The following SPATA17 variants were observed in gnomAD, a reference collection of about 807,000 sequenced individuals.
SPATA17 encodes the protein spermatogenesis associated 17.
Under a neutral mutation model 62.2 loss-of-function variants are expected in SPATA17, and 53 were observed. The ratio of observed to expected loss-of-function variants is 0.85; its 90% CI spans 0.68 to 1.07. The LOEUF is 1.07. SPATA17 is among the 50% of genes least tolerant of loss of function. The probability of loss-of-function intolerance (pLI) is 0.00; values close to 1 mark genes in which losing one functional copy is unlikely to be tolerated. For missense variants in SPATA17, 466 were observed against 425.5 expected (o/e 1.10, Z -0.84); for synonymous variants, 146 against 146.8 (o/e 0.99, Z 0.04).
intron 5 of SPATA17, among the ~76,000 whole-genome samples, chr1:217,733,426 G>C (rs559493396): frequency 1.2e-4 from 18 of 152,222 alleles, no homozygotes; most frequent in African/African-American, 3.9e-4. Flanking sequence ...TCGTTGTTCA[G>C]TTCCCAACTC....
intron 1 of SPATA17, among the ~76,000 whole-genome samples, chr1:217,640,740 A>G (rs1343510667): frequency 6.6e-6 from 1 of 152,154 alleles, no homozygotes; most frequent in African/African-American, 2.4e-5. Flanking sequence ...AGAGTGAAAC[A>G]TTTTATACAT....
chr1:217,766,385 T>A (rs1318258023), intron 6 of SPATA17, among the ~76,000 whole-genome samples: 2 of 151,976 alleles, frequency 1.3e-5, no homozygotes, highest in Non-Finnish European at 2.9e-5. Context: ...CCCTAAAGTT[T>A]GCAATACACA....
intron 6 of SPATA17, among the ~76,000 whole-genome samples, chr1:217,771,701 G>A (rs960009211): frequency 2.7e-5 from 4 of 148,976 alleles, no homozygotes; most frequent in African/African-American, 7.3e-5. Context: ...ATATATTTTC[G>A]ATCTATATTT....
chr1:217,849,144 T>A (rs2103010474), intron 9 of SPATA17, among the ~76,000 whole-genome samples: 1 of 152,336 alleles, frequency 6.6e-6, no homozygotes, highest in East Asian at 1.9e-4. Context: ...TACTTATCTC[T>A]CCATCTTTTA....
intron 4 of SPATA17, among the ~76,000 whole-genome samples, chr1:217,672,366 T>G (rs949325000): frequency 2.8e-4 from 42 of 152,222 alleles, no homozygotes; most frequent in African/African-American, 1.0e-3. Context: ...AATATCTATA[T>G]GGCCAATAAT....
chr1:217,643,524 G>T (rs1412619344), intron 1 of SPATA17, among the ~76,000 whole-genome samples: 5 of 152,146 alleles, frequency 3.3e-5, no homozygotes, highest in African/African-American at 1.2e-4. Flanking sequence ...CCCCACTTGA[G>T]GATGCTCACC....
intron 9 of SPATA17, among the ~76,000 whole-genome samples, chr1:217,857,549 T>G (rs529090761): frequency 6.6e-6 from 1 of 152,288 alleles, no homozygotes; most frequent in African/African-American, 2.4e-5. Flanking sequence ...AGAAAAGCAG[T>G]TCCCCAACCC....
At chr1:217,728,290 T>C (rs1571762515) in intron 5 of SPATA17, among the ~76,000 whole-genome samples, 2 of 152,292 alleles carry the variant, frequency 1.3e-5, no homozygotes, top group East Asian at 3.9e-4. Context: ...TGAGCACTTA[T>C]GGTATACCAA....
chr1:217,703,162 A>G (rs1671642706), intron 5 of SPATA17, among the ~76,000 whole-genome samples: 1 of 121,856 alleles, frequency 8.2e-6, no homozygotes, highest in Admixed American at 7.7e-5. Flanking sequence ...GGCGTGAGCC[A>G]TTGCGCTCGG....
At chr1:217,862,639 T>C (rs1253019799) in intron 9 of SPATA17, 135 bp from the exon 10 acceptor site, 1 of 636,640 alleles carries the variant, frequency 1.6e-6, no homozygotes, top group African/African-American at 1.8e-5. Flanking sequence ...TAATTTTGTT[T>C]TGAGAGTATA....
At chr1:217,722,300 T>G (rs1384800976) in intron 5 of SPATA17, among the ~76,000 whole-genome samples, 2 of 152,154 alleles carry the variant, frequency 1.3e-5, no homozygotes, top group African/African-American at 4.8e-5. Flanking sequence ...ACTTGCATGT[T>G]GAAGTAGTAA....
intron 9 of SPATA17, among the ~76,000 whole-genome samples, chr1:217,857,626 G>A (rs938279885): frequency 1.1e-4 from 16 of 152,102 alleles, no homozygotes; most frequent in Non-Finnish European, 2.4e-4. Flanking sequence ...TCCCATGATC[G>A]GATGACATGT....
chr1:217,777,936 A>C (rs1673633204), intron 7 of SPATA17, among the ~76,000 whole-genome samples: 2 of 152,226 alleles, frequency 1.3e-5, no homozygotes. Context: ...AAATAGTTTT[A>C]AATGTAAATA....
chr1:217,821,696 T>C (rs1427633526), intron 9 of SPATA17, among the ~76,000 whole-genome samples: 1 of 152,060 alleles, frequency 6.6e-6, no homozygotes, highest in Non-Finnish European at 1.5e-5. Flanking sequence ...TTTTTTAAGA[T>C]AGAAGATGTT....
chr1:217,774,587 T>G, intron 7 of SPATA17, 50 bp downstream of exon 7: 1 of 1,514,022 alleles, frequency 6.6e-7, no homozygotes. Flanking sequence ...TTCTTGCTAT[T>G]TTTTGCACTT....
intron 6 of SPATA17, among the ~76,000 whole-genome samples, chr1:217,766,590 C>T (rs1443140444): frequency 6.6e-6 from 1 of 151,906 alleles, no homozygotes; most frequent in East Asian, 1.9e-4. Flanking sequence ...TTATTTTGAA[C>T]AAACTGTTCT....
intron 6 of SPATA17, among the ~76,000 whole-genome samples, chr1:217,755,360 T>C (rs971817486): frequency 2.0e-5 from 3 of 152,106 alleles, no homozygotes; most frequent in South Asian, 4.1e-4. Context: ...AAATAAAAGA[T>C]GAGAAAATGA....
chr1:217,866,969 C>T (rs888378549), intron 10 of SPATA17, 53 bp from the exon 11 acceptor site: 5 of 151,818 alleles, frequency 3.3e-5, no homozygotes, highest in South Asian at 2.1e-4. Context: ...GATTCTTCCA[C>T]GTCTGATGAG....
Position 217,793,215 on chromosome 1 carries a change from G to GTTTTTTTTTTTTTT in SPATA17, c.873-8498_873-8497insTTTTTTTTTTTTTT, listed in dbSNP as rs376041446. ...GAATTGCTTTAATGTTAGGGCAGTGGTTTTTGTTTTTTTTTTTTTTTTTGA... is the reference window on the plus strand; with the variant it reads ...GAATTGCTTTAATGTTAGGGCAGTGGTTTTTTTTTTTTTTTTTTTGTTTTTTTTTTTTTTTTTGA... On this transcript the variant is annotated intron_variant, in intron 8 of 10. Transcript: ENST00000366933. Among the ~76,000 whole-genome samples the GTTTTTTTTTTTTTT allele has an allele frequency of 2.6e-5, 3 of 114,598 alleles. 1 individual carries two copies. The highest frequency in any genetic ancestry group is 6.4e-5 in the African/African-American group (2 of 31,008). 75.2% of individuals were successfully genotyped at this position (114,598 alleles called of 152,430 possible). A position where few individuals can be genotyped will look rare whatever the true frequency, so the allele number is the denominator to read the frequency against.
Sources: gnomAD v4.1 joint callset for allele counts (sites outside exome capture counted in the v4.1 genomes callset) on GRCh38, gnomAD v4.1.1 for gene constraint, MANE v1.5 for transcripts, NCBI Gene and HGNC (gene_info 2026-07-23, HGNC 2026-07-21) for gene names.